ANO1: variants seen among roughly 807,000 people sequenced by gnomAD.
The protein encoded by ANO1 is anoctamin 1.
In ANO1, 59 loss-of-function variants were observed where a neutral mutation model predicts 124.0. That is an observed-to-expected ratio of 0.48 (90% CI 0.39 to 0.59). The LOEUF (loss-of-function observed/expected upper bound fraction) is 0.59. Among genes scored for constraint, ANO1 ranks in the 20% least tolerant of loss-of-function variants. The pLI is 0.00. For missense variants in ANO1, 1,059 were observed against 1,328.0 expected (o/e 0.80, Z 3.15); for synonymous variants, 529 against 532.0 (o/e 0.99, Z 0.08).
intron 8 of ANO1, among the ~76,000 whole-genome samples, chr11:70,122,364 C>T (rs1245076256): frequency 5.3e-5 from 6 of 112,192 alleles, no homozygotes; most frequent in East Asian, 3.0e-4. Context: ...TCTCTCTCTC[C>T]GTCTCCCCCA....
chr11:70,031,381 T>C (rs532737953), intron 1 of ANO1, among the ~76,000 whole-genome samples: 11 of 152,344 alleles, frequency 7.2e-5, no homozygotes, highest in African/African-American at 2.6e-4. Flanking sequence ...TATTTGGAAA[T>C]GGGTAATAGC....
intron 24 of ANO1, among the ~76,000 whole-genome samples, chr11:70,183,437 A>G (rs1258837713): frequency 2.0e-5 from 3 of 152,050 alleles, no homozygotes; most frequent in Non-Finnish European, 1.5e-5. Context: ...TCTTGAACCA[A>G]CCACTATTGC....
chr11:70,077,896 G>A (rs980690188), upstream of ANO1, among the ~76,000 whole-genome samples: 3 of 152,156 alleles, frequency 2.0e-5, no homozygotes, highest in Admixed American at 1.3e-4. Flanking sequence ...CCAGGAGCGC[G>A]GGCAGCTGGA....
chr11:69,992,956 G>A (rs1303713679), intron 1 of ANO1, among the ~76,000 whole-genome samples: 2 of 152,176 alleles, frequency 1.3e-5, no homozygotes, highest in Non-Finnish European at 2.9e-5. Flanking sequence ...ATTTAGCCCT[G>A]GAAGGGGACC....
chr11:69,993,399 A>G (rs868958763), intron 1 of ANO1, among the ~76,000 whole-genome samples: 1 of 152,182 alleles, frequency 6.6e-6, no homozygotes, highest in Non-Finnish European at 1.5e-5. Flanking sequence ...AATCTGGCAT[A>G]ATGTTTATTG....
At chr11:69,970,046 G>A in the ANO1 span, among the ~76,000 whole-genome samples, 3 of 152,194 alleles carry the variant, frequency 2.0e-5, no homozygotes, top group Admixed American at 6.5e-5. Context: ...GGGGTTCCCC[G>A]GTGTGAGAGG....
At chr11:70,123,184 A>T (rs1385361326) in intron 8 of ANO1, among the ~76,000 whole-genome samples, 1 of 152,190 alleles carries the variant, frequency 6.6e-6, no homozygotes, top group Non-Finnish European at 1.5e-5. Context: ...AGGGCCGCAG[A>T]CAAGTCACAA....
intron 8 of ANO1, among the ~76,000 whole-genome samples, chr11:70,118,576 A>AGATGGATGGATGGATAGATG (rs2046090268): frequency 7.2e-6 from 1 of 138,138 alleles, no homozygotes; most frequent in Non-Finnish European, 1.6e-5. Context: ...ATGGATGGAT[A>AGATGGATGGATGGATAGATG]GATGGATGGA....
chr11:69,983,058 G>A (rs927591673), upstream of ANO1, among the ~76,000 whole-genome samples: 1 of 152,070 alleles, frequency 6.6e-6, no homozygotes, highest in African/African-American at 2.4e-5. Context: ...GCGCCTGTGG[G>A]CCGAGTCAGC....
In ANO1 at chr11:70,078,664, A is replaced by G; in HGVS notation, c.58A>G (p.Ile20Val). The G allele has an allele frequency of 2.0e-6, 3 of 1,500,704 alleles. No individual in the cohort carries two copies. Among genetic ancestry groups the G allele is most frequent in the Non-Finnish European group, 2.7e-6 (3 of 1,114,408 alleles). 93.0% of individuals were successfully genotyped at this position (1,500,704 alleles called of 1,614,324 possible). ...GGCCGAGGACCGCAGCGTCCACATC[A>G]TCAACATCTGCGCCATCGAGGACAT... is the stretch of plus-strand genomic sequence containing the variant. ...LPAEDRSVHI[I>V]NICAIEDIGY... The change falls in exon 1 of 26, where the codon ATC becomes GTC. Residue 20 changes from isoleucine (I) to valine (V), a missense_variant. By Grantham distance (29) the Ile-to-Val change is conservative. Around this residue, in one of 2 missense-constraint regions of ANO1, gnomAD observed 250 missense variants for 233.1 expected, o/e 1.07. Transcript: ENST00000355303.
intron 8 of ANO1, among the ~76,000 whole-genome samples, chr11:70,117,345 A>G (rs1224409143): frequency 6.6e-6 from 1 of 152,000 alleles, no homozygotes; most frequent in Non-Finnish European, 1.5e-5. Flanking sequence ...TGCTGGGATT[A>G]CAAGCGTGAG....
chr11:70,177,067 A>G (rs1010014055), intron 22 of ANO1, among the ~76,000 whole-genome samples: 32 of 152,178 alleles, frequency 2.1e-4, no homozygotes, highest in African/African-American at 7.7e-4. Context: ...TCCCGGCTCC[A>G]TCTCATCCCC....
rs746876956 is a variant in ANO1 at position 70,125,014 on chromosome 11, G to A, written c.962+600G>A. ...CCCACAGCCATCAGCATGGGCCATC[G>A]CACACGGAAAAGCGCCCACCTTCCC... On this transcript the variant is annotated intron_variant, in intron 9 of 25. Transcript: ENST00000355303. Among the ~76,000 whole-genome samples the A allele has an allele frequency of 3.9e-4, 60 of 152,340 alleles. 1 individual carries two copies. In the Middle Eastern group the frequency reaches 0.01, roughly 26 times the overall value.
the ANO1 span, among the ~76,000 whole-genome samples, chr11:69,972,130 T>C: frequency 2.9e-5 from 4 of 139,122 alleles, no homozygotes; most frequent in South Asian, 2.2e-4. Context: ...GAGGTTGTAG[T>C]GAGCCAAGAT....
At chr11:69,970,329 G>A in the ANO1 span, among the ~76,000 whole-genome samples, 1 of 152,150 alleles carries the variant, frequency 6.6e-6, no homozygotes, top group Non-Finnish European at 1.5e-5. Flanking sequence ...TCAAGGGAAG[G>A]GTTTTCTCAG....
At chr11:70,164,212 C>G (rs2048167446) in intron 19 of ANO1, among the ~76,000 whole-genome samples, 1 of 152,214 alleles carries the variant, frequency 6.6e-6, no homozygotes, top group Admixed American at 6.5e-5. Context: ...GTTCTGGTCT[C>G]AGCATTTCCA....
At chr11:70,074,500 C>T (rs2044031497), upstream of ANO1, among the ~76,000 whole-genome samples, 1 of 152,100 alleles carries the variant, frequency 6.6e-6, no homozygotes, top group Non-Finnish European at 1.5e-5. Flanking sequence ...GTCAGGAGAG[C>T]TAGACTGAAA....
intron 11 of ANO1, among the ~76,000 whole-genome samples, chr11:70,144,303 T>C (rs980495848): frequency 9.2e-5 from 14 of 152,066 alleles, no homozygotes; most frequent in African/African-American, 3.4e-4. Flanking sequence ...ATGCGGGCCC[T>C]GCCCTGAGCA....
intron 25 of ANO1, among the ~76,000 whole-genome samples, chr11:70,187,477 A>G (rs481845): frequency 0.89 from 135,984 of 152,224 alleles, 60,793 homozygotes; most frequent in East Asian, 0.95. Flanking sequence ...GAGTCTCCTG[A>G]TCAAAGAATT....
Sources: gnomAD v4.1 joint callset for allele counts (sites outside exome capture counted in the v4.1 genomes callset) on GRCh38, gnomAD v4.1.1 for gene constraint, gnomAD v4.1.1 regional missense constraint, MANE v1.5 for transcripts, NCBI Gene and HGNC (gene_info 2026-07-23, HGNC 2026-07-21) for gene names.